Variants in TUBB2A observed in about 807,000 individuals in gnomAD.
The protein encoded by TUBB2A is tubulin beta 2A class IIa, also known as tubulin beta-2A chain.
A neutral mutation model predicts 33.9 loss-of-function variants in TUBB2A; 7 were observed. The ratio of observed to expected loss-of-function variants is 0.21; its 90% CI spans 0.12 to 0.39. TUBB2A has a LOEUF of 0.39. TUBB2A is among the 10% of genes least tolerant of loss of function. The pLI, the probability that TUBB2A is intolerant of heterozygous loss-of-function variation, is 1.00. For synonymous variants in TUBB2A, 187 were observed against 247.6 expected, an observed-to-expected ratio of 0.76 and a Z score of 2.30; for missense variants, 80 against 593.4, an observed-to-expected ratio of 0.13 and a Z score of 8.99.
chr6:3,155,868 T>C lies in TUBB2A; in HGVS notation c.167-133A>G. 1 of 1,365,968 alleles carries C rather than the reference T, an allele frequency of 7.3e-7. No homozygotes were observed. The highest frequency in any genetic ancestry group is 9.9e-7 in the Non-Finnish European group (1 of 1,006,582). The allele number at this position is 1,365,968 out of a possible 1,614,324, so 84.6% of individuals were successfully genotyped here. A position where few individuals can be genotyped will look rare whatever the true frequency, so the allele number is the denominator to read the frequency against. ...AGAAAAAGGAGGTCCTGAGTGTGCT[T>C]AGCCGTGGCAAACAGGCAGGAATCT... On this transcript the variant is annotated intron_variant, in intron 2 of 3. Transcript: ENST00000333628. This position sits in a 1 kb window ranked among gnomAD's most constrained non-coding sequence, Gnocchi z 4.2.
intron 1 of TUBB2A, among the ~76,000 whole-genome samples, 163 bp downstream of exon 1, chr6:3,157,244 G>T (rs1360024768): frequency 1.3e-5 from 2 of 152,146 alleles, no homozygotes; most frequent in East Asian, 3.8e-4. Flanking sequence ...CGGCGCTGCG[G>T]GCATCCTGGC....
intron 1 of TUBB2A, among the ~76,000 whole-genome samples, chr6:3,157,152 C>T (rs1041558032): frequency 6.6e-6 from 1 of 152,256 alleles, no homozygotes; most frequent in Non-Finnish European, 1.5e-5. Flanking sequence ...CAAATACACC[C>T]AGGGGAATGC....
Position 3,155,861 on chromosome 6 carries a change from G to T in TUBB2A, c.167-126C>A. ...GCTTTTAAGAAAAAGGAGGTCCTGA[G>T]TGTGCTTAGCCGTGGCAAACAGGCA... On this transcript the variant is annotated intron_variant, in intron 2 of 3. Coordinates refer to ENST00000333628, the MANE Select transcript of TUBB2A (RefSeq NM_001069.3). This position sits in a 1 kb window ranked among gnomAD's most constrained non-coding sequence, Gnocchi z 4.2. 7.4e-7 allele frequency: 1 copy of T among 1,347,522 alleles called. No individual in the cohort carries two copies. The highest frequency in any genetic ancestry group is 1.0e-6 in the Non-Finnish European group (1 of 987,110). The allele number at this position is 1,347,522 out of a possible 1,614,324, so 83.5% of individuals were successfully genotyped here.
At chr6:3,156,522 G>A (rs1762638318) in intron 1 of TUBB2A, among the ~76,000 whole-genome samples, 2 of 30,992 alleles carry the variant, frequency 6.5e-5, no homozygotes, top group Non-Finnish European at 1.2e-4. Flanking sequence ...ATGATTGATG[G>A]GTCGTGGCAG....
chr6:3,153,697 T>C lies in TUBB2A; in HGVS notation c.*166A>G. 1 of 1,099,366 alleles carries C rather than the reference T, an allele frequency of 9.1e-7. No individual in the cohort carries two copies. The highest frequency in any genetic ancestry group is 1.3e-6 in the Non-Finnish European group (1 of 776,572). 68.1% of individuals were successfully genotyped at this position (1,099,366 alleles called of 1,614,324 possible). A position where few individuals can be genotyped will look rare whatever the true frequency, so the allele number is the denominator to read the frequency against. ...ACACATGCTTTTTTATTAGTATAGA[T>C]ACCTTCACAGACAATACTGTAATTT... On this transcript the variant is annotated 3_prime_UTR_variant, in exon 4 of 4. Transcript: ENST00000333628.
At chr6:3,157,122 C>T (rs931021660) in intron 1 of TUBB2A, among the ~76,000 whole-genome samples, 73 of 152,364 alleles carry the variant, frequency 4.8e-4, no homozygotes, top group Middle Eastern at 3.4e-3. Context: ...TGACCGTACC[C>T]CCGACCCAAG....
chr6:3,157,354 C>A, intron 1 of TUBB2A, 53 bp downstream of exon 1: 1 of 1,419,680 alleles, frequency 7.0e-7, no homozygotes, highest in South Asian at 1.4e-5. Context: ...CGCCCCGGCC[C>A]CAGCCCGCAC....
At chr6:3,157,301 T>C in intron 1 of TUBB2A, 106 bp downstream of exon 1, 9 of 1,206,574 alleles carry the variant, frequency 7.5e-6, no homozygotes, top group Non-Finnish European at 7.2e-6. Context: ...CGCCGCGGAA[T>C]GTGCCACCCG....
chr6:3,154,220 G>A lies in TUBB2A; in HGVS notation c.981C>T (p.Asp327=), dbSNP rs778575252. The A allele has an allele frequency of 2.1e-5, 15 of 724,334 alleles. No individual in the cohort carries two copies. In the African/African-American group the frequency reaches 2.9e-4, roughly 14 times the overall value. The allele number at this position is 724,334 out of a possible 1,614,324, so 44.9% of individuals were successfully genotyped here. Reference sequence around the variant, plus strand: ...TGTTCTGCACGTTGAGCATCTGCTCGTCCACCTCCTTCATGGACATGCGGC... The same window carrying A: ...TGTTCTGCACGTTGAGCATCTGCTCATCCACCTCCTTCATGGACATGCGGC... ...FRGRMSMKEV[D]EQMLNVQNKN... Residue 327 remains aspartate, a synonymous_variant, in exon 4 of 4, where the codon GAC becomes GAT. Coordinates refer to ENST00000333628, the MANE Select transcript of TUBB2A (RefSeq NM_001069.3).
At chr6:3,157,331 G>A in intron 1 of TUBB2A, 76 bp downstream of exon 1, 1 of 1,292,468 alleles carries the variant, frequency 7.7e-7, no homozygotes. Flanking sequence ...GGGCCGCCGC[G>A]GCCTCCAGCC....
At position 3,157,538 on chromosome 6, in the gene TUBB2A, G is replaced by C; in HGVS notation, c.-75C>G. ...GTGGACCGGCGGGCTGGGCTGCGCA[G>C]AGACCTGCCGCCGCCCCCCCAGCTC... On this transcript the variant is annotated 5_prime_UTR_variant, in exon 1 of 4. Coordinates refer to ENST00000333628, the MANE Select transcript of TUBB2A (RefSeq NM_001069.3). 2.2e-6 allele frequency: 3 copies of C among 1,378,404 alleles called. No homozygotes were observed. The highest frequency in any genetic ancestry group is 2.8e-6 in the Non-Finnish European group (3 of 1,070,916). 85.4% of individuals were successfully genotyped at this position (1,378,404 alleles called of 1,614,324 possible). A position where few individuals can be genotyped will look rare whatever the true frequency, so the allele number is the denominator to read the frequency against.
Position 3,155,175 on chromosome 6 carries a change from T to A in TUBB2A, c.278-252A>T. 1 of 1,009,486 alleles carries A rather than the reference T, an allele frequency of 9.9e-7. No individual in the cohort carries two copies. Among genetic ancestry groups the A allele is most frequent in the Non-Finnish European group, 1.4e-6 (1 of 713,096 alleles). 62.5% of individuals were successfully genotyped at this position (1,009,486 alleles called of 1,614,324 possible). A position where few individuals can be genotyped will look rare whatever the true frequency, so the allele number is the denominator to read the frequency against. ...AGGAAGAGGATAGGGTTAGAAAACT[T>A]AATTGGTTCTGAAATACATACATTT... On this transcript the variant is annotated intron_variant, in intron 3 of 3. Coordinates refer to ENST00000333628, the MANE Select transcript of TUBB2A (RefSeq NM_001069.3). The surrounding 1 kb of genome is among the most constrained non-coding windows in gnomAD (Gnocchi z 4.2).
Position 3,154,085 on chromosome 6 carries a change from C to T in TUBB2A, c.1116G>A (p.Thr372=), listed in dbSNP as rs755162816. The change falls in exon 4 of 4, where the codon ACG becomes ACA. Residue 372 remains threonine (T), a synonymous_variant. Transcript: ENST00000333628. The part of the protein sequence containing the change: ...KMSATFIGNS[T]AIQELFKRIS... ...TGCGCTTGAACAGCTCCTGGATGGC[C>T]GTGCTGTTGCCGATGAAGGTGGCCG... The T allele has an allele frequency of 2.7e-5, 40 of 1,471,956 alleles. 1 individual carries two copies. In the South Asian group the frequency reaches 3.6e-4, roughly 13 times the overall value. 91.2% of individuals were successfully genotyped at this position (1,471,956 alleles called of 1,614,324 possible).
intron 2 of TUBB2A, 21 bp downstream of exon 2, chr6:3,156,023 C>T (rs1173745929): frequency 6.5e-7 from 1 of 1,543,532 alleles, no homozygotes. Context: ...GATTCCTGGG[C>T]ACACACATCC....
In TUBB2A at chr6:3,154,517, C is replaced by G. The variant is rs1261546085; in HGVS notation, c.684G>C (p.Leu228=). 6.2e-7 allele frequency: 1 copy of G among 1,610,234 alleles called. No homozygotes were observed. The highest frequency in any genetic ancestry group is 8.5e-7 in the Non-Finnish European group (1 of 1,178,814). Residue 228 remains leucine (L), a synonymous_variant, in exon 4 of 4, where the codon CTG becomes CTC. Coordinates refer to ENST00000333628, the MANE Select transcript of TUBB2A (RefSeq NM_001069.3). ...TGACCCCGCTCATGGTGGCCGACAC[C>G]AGGTGGTTGAGGTCCCCGTAGGTGG... is the stretch of plus-strand genomic sequence containing the variant. ...TTPTYGDLNH[L]VSATMSGVTT... is the part of the protein sequence containing the mutation.
At position 3,153,770 on chromosome 6, in the gene TUBB2A, A is replaced by G; in HGVS notation, c.*93T>C. 1 of 1,566,318 alleles carries G rather than the reference A, an allele frequency of 6.4e-7. No homozygotes were observed. Among genetic ancestry groups the G allele is most frequent in the Non-Finnish European group, 8.7e-7 (1 of 1,151,350 alleles). On this transcript the variant is annotated 3_prime_UTR_variant, in exon 4 of 4. Coordinates refer to ENST00000333628, the MANE Select transcript of TUBB2A (RefSeq NM_001069.3). Reference sequence around the variant, plus strand: ...CATCAACAGTGTGAATTTCTAACAGAGGCAAAACTGAGCACCATAGTTTAC... The same window carrying G: ...CATCAACAGTGTGAATTTCTAACAGGGGCAAAACTGAGCACCATAGTTTAC...
Position 3,153,846 on chromosome 6 carries a change from A to C in TUBB2A, c.*17T>G. ...AACAGAAGTTCACTAAGGATGCACG[A>C]TTGATCTGAGAAGTTTTTAAGCCTC... On this transcript the variant is annotated 3_prime_UTR_variant, in exon 4 of 4. Coordinates refer to ENST00000333628, the MANE Select transcript of TUBB2A (RefSeq NM_001069.3). The C allele has an allele frequency of 6.2e-7, 1 of 1,613,948 alleles. No individual in the cohort carries two copies. Among genetic ancestry groups the C allele is most frequent in the Non-Finnish European group, 8.5e-7 (1 of 1,179,774 alleles).
At chr6:3,156,179 G>A in intron 1 of TUBB2A, 27 bp from the exon 2 acceptor site, 1 of 1,613,656 alleles carries the variant, frequency 6.2e-7, no homozygotes, top group Non-Finnish European at 8.5e-7. Context: ...ACCACACCAT[G>A]GCTCTGCATC....
At position 3,153,713 on chromosome 6, in the gene TUBB2A, A is replaced by T; in HGVS notation, c.*150T>A. On this transcript the variant is annotated 3_prime_UTR_variant, in exon 4 of 4. Coordinates refer to ENST00000333628, the MANE Select transcript of TUBB2A (RefSeq NM_001069.3). ...TAGTATAGATACCTTCACAGACAAT[A>T]CTGTAATTTTTAGAGGAGTTCCACA... The T allele has an allele frequency of 2.4e-6, 3 of 1,235,122 alleles. No homozygotes were observed. Among genetic ancestry groups the T allele is most frequent in the Non-Finnish European group, 3.4e-6 (3 of 890,636 alleles). The allele number at this position is 1,235,122 out of a possible 1,614,324, so 76.5% of individuals were successfully genotyped here. A position where few individuals can be genotyped will look rare whatever the true frequency, so the allele number is the denominator to read the frequency against.
Sources: allele counts gnomAD v4.1 joint callset (sites outside exome capture counted in the v4.1 genomes callset), GRCh38; gene constraint gnomAD v4.1.1; non-coding constraint Gnocchi (gnomAD v3.1); transcripts MANE v1.5; gene names NCBI Gene and HGNC (gene_info 2026-07-23, HGNC 2026-07-21).